The following MBTD1 variants were observed in gnomAD, a reference collection of about 807,000 sequenced individuals.
The protein encoded by MBTD1 is MBT domain-containing protein 1.
MBTD1 carries 24 observed loss-of-function variants against 87.8 expected under a neutral mutation model. That is an observed-to-expected ratio of 0.27 (90% CI 0.20 to 0.38). MBTD1 has a LOEUF of 0.38. MBTD1 is among the 10% of genes least tolerant of loss of function. MBTD1 has a pLI of 1.00. For synonymous variants in MBTD1, 237 were observed against 248.6 expected (o/e 0.95, Z 0.44); for missense variants, 436 against 760.2 (o/e 0.57, Z 5.02).
At chr17:51,197,795 C>CCA (rs1230567114) in intron 12 of MBTD1, among the ~76,000 whole-genome samples, 2 of 152,136 alleles carry the variant, frequency 1.3e-5, no homozygotes. Context: ...GCGTGAGCTA[C>CCA]CACACCCAGC....
chr17:51,260,449 G>A (rs2055408710), upstream of MBTD1: 1 of 939,362 alleles, frequency 1.1e-6, no homozygotes, highest in Non-Finnish European at 1.6e-6. Flanking sequence ...GAGGGAGGGA[G>A]TGCTGGTCAC....
At chr17:51,196,834 G>A (rs1204873578) in intron 12 of MBTD1, among the ~76,000 whole-genome samples, 2 of 151,710 alleles carry the variant, frequency 1.3e-5, no homozygotes, top group African/African-American at 4.8e-5. Context: ...AGAGGCTGCA[G>A]TGAGCCGAGA....
chr17:51,203,144 T>C lies in MBTD1; in HGVS notation c.824A>G (p.Gln275Arg), dbSNP rs781283874. 1.3e-6 allele frequency: 2 copies of C among 1,598,192 alleles called. No homozygotes were observed. Among genetic ancestry groups the C allele is most frequent in the East Asian group, 2.2e-5 (1 of 44,788 alleles). ...TTATAAGATCCTGTTTTTTACCTTT[T>C]GGGAGAAATCAGGAGGCAGTGTTTT... ...GAKTLPPDFS[Q>R]KVSESMQYPF... Residue 275 changes from glutamine (Q) to arginine (R), a missense_variant, in exon 9 of 17, where the codon CAA becomes CGA. Gln to Arg is a conservative substitution (Grantham distance 43, BLOSUM62 1). This residue lies in a region of MBTD1 where 268 missense variants were observed against 401.8 expected (regional missense o/e 0.67). Transcript: ENST00000586178.
Position 51,180,661 on chromosome 17 carries a change from T to C in MBTD1, c.1802A>G (p.Asp601Gly). 2 of 1,549,676 alleles carry C rather than the reference T, an allele frequency of 1.3e-6. No individual in the cohort carries two copies. Among genetic ancestry groups the C allele is most frequent in the Non-Finnish European group, 1.7e-6 (2 of 1,145,142 alleles). Residue 601 changes from aspartate to glycine, a missense_variant, in exon 17 of 17, where the codon GAT becomes GGT. This residue lies in a region of MBTD1 where 32 missense variants were observed against 34.7 expected (regional missense o/e 0.92). Coordinates refer to ENST00000586178, the MANE Select transcript of MBTD1 (RefSeq NM_017643.3). ...TTGAAGGAAATTATAATCCTCTCCA[T>C]CCAGCAACTCCTCCTTCAGCTGCAG... ...TTLQLKEELL[D>G]GEDYNFLQGA...
chr17:51,193,748 A>G (rs2145093365), intron 13 of MBTD1, among the ~76,000 whole-genome samples: 1 of 152,262 alleles, frequency 6.6e-6, no homozygotes, highest in South Asian at 2.1e-4. Context: ...CCTCTCTAGT[A>G]GCTGGGACTA....
intron 12 of MBTD1, among the ~76,000 whole-genome samples, chr17:51,196,078 T>A (rs2051085197): frequency 6.6e-6 from 1 of 152,078 alleles, no homozygotes; most frequent in Admixed American, 6.6e-5. Flanking sequence ...CGGCTAATTG[T>A]TTAATTTTTA....
rs1214505597 is a variant in MBTD1 at position 51,179,488 on chromosome 17, A to ATATATATATATT, written c.*1087_*1088insAATATATATATA. 9 of 18,462 alleles carry ATATATATATATT rather than the reference A, an allele frequency of 4.9e-4. No individual in the cohort carries two copies. Among genetic ancestry groups the ATATATATATATT allele is most frequent in the African/African-American group, 1.3e-3 (7 of 5,530 alleles). The allele number at this position is 18,462 out of a possible 1,614,324, so 1.1% of individuals were successfully genotyped here. On this transcript the variant is annotated 3_prime_UTR_variant, in exon 17 of 17. Transcript: ENST00000586178. ...TGAATACAATTAAAGACAATTTTAT[A>ATATATATATATT]TATATATATATATATATATATATAT...
chr17:51,237,039 T>A (rs2053880470), intron 2 of MBTD1, among the ~76,000 whole-genome samples: 1 of 152,076 alleles, frequency 6.6e-6, no homozygotes, highest in Non-Finnish European at 1.5e-5. Context: ...GGCTCACGTC[T>A]GTAATCCCAG....
At chr17:51,256,356 C>T (rs1046544961) in intron 2 of MBTD1, 1 of 152,172 alleles carries the variant, frequency 6.6e-6, no homozygotes, top group African/African-American at 2.4e-5. Flanking sequence ...CCAGAGCTCA[C>T]TTCTACTAGA....
At chr17:51,237,928 T>C (rs983970835) in intron 2 of MBTD1, among the ~76,000 whole-genome samples, 1 of 152,224 alleles carries the variant, frequency 6.6e-6, no homozygotes, top group African/African-American at 2.4e-5. Flanking sequence ...CATACAATGA[T>C]TTCATTTTGC....
Position 51,218,980 on chromosome 17 carries a change from G to A in MBTD1, c.353C>T (p.Ala118Val). The change falls in exon 5 of 17, where the codon GCA becomes GTA. Residue 118 changes from alanine to valine, a missense_variant. Around this residue, in one of 5 missense-constraint regions of MBTD1, gnomAD observed 268 missense variants for 401.8 expected, o/e 0.67. Transcript: ENST00000586178. ...QKQPLVAKLAAYAQYQATLQN... is the reference protein window; with the variant it reads ...QKQPLVAKLAVYAQYQATLQN... ...CAAGGTAGCTTGATACTGAGCATAT[G>A]CGGCTAGCTTAGCAACTAAAGGTTG... is the stretch of plus-strand genomic sequence containing the variant. 6.4e-7 allele frequency: 1 copy of A among 1,551,426 alleles called. No homozygotes were observed. Among genetic ancestry groups the A allele is most frequent in the Non-Finnish European group, 8.7e-7 (1 of 1,146,840 alleles).
chr17:51,226,184 A>C (rs1406049234), intron 2 of MBTD1, among the ~76,000 whole-genome samples: 1 of 149,862 alleles, frequency 6.7e-6, no homozygotes, highest in African/African-American at 2.4e-5. Flanking sequence ...AAAAAAAAAC[A>C]CAAAAAAACA....
chr17:51,252,484 G>C (rs1407744148), intron 2 of MBTD1, among the ~76,000 whole-genome samples: 1 of 152,084 alleles, frequency 6.6e-6, no homozygotes, highest in African/African-American at 2.4e-5. Flanking sequence ...CTAGCACTTT[G>C]GGAGACCAAG....
At chr17:51,187,014 C>T (rs549440253) in intron 16 of MBTD1, among the ~76,000 whole-genome samples, 12 of 152,254 alleles carry the variant, frequency 7.9e-5, no homozygotes, top group African/African-American at 2.9e-4. Flanking sequence ...ATGTGCTCTC[C>T]TAACTTTTAG....
chr17:51,213,613 G>T (rs757133257), intron 6 of MBTD1, among the ~76,000 whole-genome samples: 3 of 151,824 alleles, frequency 2.0e-5, no homozygotes, highest in Non-Finnish European at 2.9e-5. Context: ...TTATAGTCCA[G>T]CTACTCAACA....
At chr17:51,242,943 T>C (rs2054236781) in intron 2 of MBTD1, among the ~76,000 whole-genome samples, 1 of 152,212 alleles carries the variant, frequency 6.6e-6, no homozygotes. Context: ...TGCAGCTGCA[T>C]AGTACTCCAT....
upstream of MBTD1, chr17:51,260,552 C>G: frequency 6.3e-7 from 1 of 1,593,508 alleles, no homozygotes; most frequent in Non-Finnish European, 8.5e-7. Flanking sequence ...CGAGGTTCCA[C>G]GTGAGCGCCT....
rs781084257 is a variant in MBTD1 at position 51,201,700 on chromosome 17, A to C, written c.1120-4T>G. 2 of 1,541,070 alleles carry C rather than the reference A, an allele frequency of 1.3e-6. No individual in the cohort carries two copies. The highest frequency in any genetic ancestry group is 1.4e-5 in the African/African-American group (1 of 73,272). ...CACTCTGGTCTACTTCTTTTACCTAAAGAATTATATGAAAGCACATCTACT... is the reference window on the plus strand; with the variant it reads ...CACTCTGGTCTACTTCTTTTACCTACAGAATTATATGAAAGCACATCTACT... On this transcript the variant is annotated splice_polypyrimidine_tract_variant and splice_region_variant and intron_variant, in intron 11 of 16. Coordinates refer to ENST00000586178, the MANE Select transcript of MBTD1 (RefSeq NM_017643.3).
chr17:51,195,149 T>C, intron 13 of MBTD1, 65 bp downstream of exon 13: 4 of 1,478,924 alleles, frequency 2.7e-6, no homozygotes, highest in Non-Finnish European at 3.7e-6. Context: ...TTAAATGTTG[T>C]AAACAAAAAC....
Sources: allele counts gnomAD v4.1 joint callset (sites outside exome capture counted in the v4.1 genomes callset), GRCh38; gene constraint gnomAD v4.1.1; regional missense constraint gnomAD v4.1.1; transcripts MANE v1.5; gene names NCBI Gene and HGNC (gene_info 2026-07-23, HGNC 2026-07-21).